XYLT1: variants seen among roughly 807,000 people sequenced by gnomAD.
XYLT1 encodes xylosyltransferase 1, also known as beta-D-xylosyltransferase 1.
A neutral mutation model predicts 91.3 loss-of-function variants in XYLT1; 36 were observed. That is an observed-to-expected ratio of 0.39 (90% CI 0.30 to 0.52). XYLT1 has a LOEUF of 0.52. Ranked by LOEUF, XYLT1 falls within the 20% of genes least tolerant of loss-of-function variation. The pLI is 0.68. For missense variants in XYLT1, 1,242 were observed against 1,284.5 expected (o/e 0.97, Z 0.51); for synonymous variants, 588 against 532.0 (o/e 1.11, Z -1.45).
chr16:17,331,373 G>A (rs2034897058), intron 2 of XYLT1, among the ~76,000 whole-genome samples: 1 of 152,212 alleles, frequency 6.6e-6, no homozygotes. Flanking sequence ...CTGGCTCCTT[G>A]GCCCTGAAAG....
chr16:17,425,075 T>G (rs2036298830), intron 1 of XYLT1, among the ~76,000 whole-genome samples: 1 of 152,068 alleles, frequency 6.6e-6, no homozygotes. Flanking sequence ...AAGTTGGAGG[T>G]GGACTCCCTG....
chr16:17,141,032 G>C, intron 7 of XYLT1, 121 bp downstream of exon 7: 1 of 926,990 alleles, frequency 1.1e-6, no homozygotes, highest in Non-Finnish European at 1.7e-6. Context: ...AGGATGTCTG[G>C]GTGTGTAGAG....
intron 3 of XYLT1, among the ~76,000 whole-genome samples, chr16:17,236,397 A>G (rs551218763): frequency 6.6e-6 from 1 of 151,586 alleles, no homozygotes; most frequent in Non-Finnish European, 1.5e-5. Flanking sequence ...TAGAGGGACT[A>G]AGGAGTGTCA....
chr16:17,115,798 AT>A (rs1221836870), intron 11 of XYLT1, among the ~76,000 whole-genome samples: 1 of 115,394 alleles, frequency 8.7e-6, no homozygotes, highest in African/African-American at 4.0e-5. Flanking sequence ...CCTCTGTTAT[AT>A]TAAAAAAAAA....
At chr16:17,447,813 G>A (rs983132784) in intron 1 of XYLT1, among the ~76,000 whole-genome samples, 7 of 152,324 alleles carry the variant, frequency 4.6e-5, no homozygotes, top group African/African-American at 1.2e-4. Context: ...TGTAAAATGG[G>A]AGAATATGAG....
intron 1 of XYLT1, among the ~76,000 whole-genome samples, chr16:17,422,807 T>C (rs1487413227): frequency 1.3e-5 from 2 of 152,196 alleles, no homozygotes; most frequent in African/African-American, 4.8e-5. Context: ...TGAGTCACCA[T>C]GCCTGGCCTC....
At position 17,106,621 on chromosome 16, in the gene XYLT1, G is replaced by A. The variant is rs1966779294; in HGVS notation, c.*2074C>T. ...AGGCAACCACGGAGCAAGCAGGAAT[G>A]GCCCAAACTCTCTGCAGCTAGCACA... On this transcript the variant is annotated 3_prime_UTR_variant, in exon 12 of 12. Transcript: ENST00000261381. The A allele has an allele frequency of 6.6e-6, 1 of 152,146 alleles. No individual in the cohort carries two copies. Among genetic ancestry groups the A allele is most frequent in the African/African-American group, 2.4e-5 (1 of 41,378 alleles). 9.4% of individuals were successfully genotyped at this position (152,146 alleles called of 1,614,324 possible). A position where few individuals can be genotyped will look rare whatever the true frequency, so the allele number is the denominator to read the frequency against.
intron 5 of XYLT1, among the ~76,000 whole-genome samples, chr16:17,187,530 G>A (rs1416866599): frequency 8.2e-6 from 1 of 121,340 alleles, no homozygotes; most frequent in Non-Finnish European, 1.6e-5. Flanking sequence ...TCGCACCACT[G>A]TACTCTAGCC....
At chr16:17,247,411 C>T (rs1057208096) in intron 3 of XYLT1, among the ~76,000 whole-genome samples, 7 of 152,164 alleles carry the variant, frequency 4.6e-5, no homozygotes, top group African/African-American at 9.7e-5. Flanking sequence ...GCCATGGAAG[C>T]GAGTCTCCCA....
At chr16:17,271,608 C>A (rs888988397) in intron 2 of XYLT1, among the ~76,000 whole-genome samples, 1 of 152,178 alleles carries the variant, frequency 6.6e-6, no homozygotes, top group African/African-American at 2.4e-5. Context: ...GTTTTAGGGG[C>A]TATCTTGTAC....
At chr16:17,190,433 A>C (rs1163041228) in intron 5 of XYLT1, among the ~76,000 whole-genome samples, 1 of 129,562 alleles carries the variant, frequency 7.7e-6, no homozygotes, top group Non-Finnish European at 1.6e-5. Flanking sequence ...TCCTAATGCT[A>C]TCCCTCCCCC....
chr16:17,465,556 TGGG>T lies in XYLT1; in HGVS notation c.363+4875_363+4877del, dbSNP rs68156050. 7.1e-3 allele frequency among the ~76,000 whole-genome samples: 720 copies of T among 101,258 alleles called. 7 individuals are homozygous for T. Among genetic ancestry groups the T allele is most frequent in the African/African-American group, 0.022 (664 of 30,820 alleles). 66.4% of individuals were successfully genotyped at this position (101,258 alleles called of 152,430 possible). A position where few individuals can be genotyped will look rare whatever the true frequency, so the allele number is the denominator to read the frequency against. On this transcript the variant is annotated intron_variant, in intron 1 of 11. Transcript: ENST00000261381. ...CCTGGAAATTTTTTGTGTTTTTTTT[TGGG>T]GGGGGGGGGGGTGAGCATTTAATAA...
intron 5 of XYLT1, among the ~76,000 whole-genome samples, chr16:17,174,172 C>T (rs1455650040): frequency 2.0e-5 from 3 of 152,220 alleles, no homozygotes; most frequent in Non-Finnish European, 2.9e-5. Context: ...GAAAGATATA[C>T]ATCTACAGAA....
At chr16:17,380,194 AG>A in intron 1 of XYLT1, among the ~76,000 whole-genome samples, 1 of 152,356 alleles carries the variant, frequency 6.6e-6, no homozygotes, top group East Asian at 1.9e-4. Context: ...AGGCTGAGGC[AG>A]AAGAATCACC....
At chr16:17,154,567 C>T (rs965874201) in intron 6 of XYLT1, among the ~76,000 whole-genome samples, 5 of 152,114 alleles carry the variant, frequency 3.3e-5, no homozygotes, top group African/African-American at 7.2e-5. Context: ...AGTAAACATG[C>T]GGCCACCTGC....
chr16:17,358,104 T>A (rs1361480555), intron 1 of XYLT1, 54 bp from the exon 2 acceptor site: 36 of 1,503,768 alleles, frequency 2.4e-5, no homozygotes, highest in Non-Finnish European at 2.8e-5. Flanking sequence ...GTTAACTTAC[T>A]ACCCCAGCAT....
chr16:17,435,775 T>A (rs2036450279), intron 1 of XYLT1, among the ~76,000 whole-genome samples: 1 of 152,230 alleles, frequency 6.6e-6, no homozygotes. Context: ...TCTCATTGAC[T>A]TTATTTTCAT....
intron 1 of XYLT1, among the ~76,000 whole-genome samples, chr16:17,438,250 G>A (rs1166408716): frequency 2.0e-5 from 3 of 152,056 alleles, no homozygotes; most frequent in Non-Finnish European, 1.5e-5. Context: ...TGTTAATAGC[G>A]CTCTCCCCTA....
intron 1 of XYLT1, among the ~76,000 whole-genome samples, chr16:17,381,401 GAACA>G (rs1473781163): frequency 7.0e-6 from 1 of 142,442 alleles, no homozygotes; most frequent in Non-Finnish European, 1.5e-5. Flanking sequence ...AGAAAAAAAA[GAACA>G]AATAAAAGGC....
Sources: allele counts gnomAD v4.1 joint callset (sites outside exome capture counted in the v4.1 genomes callset), GRCh38; gene constraint gnomAD v4.1.1; transcripts MANE v1.5; gene names NCBI Gene and HGNC (gene_info 2026-07-23, HGNC 2026-07-21).